Variants in CSMD2 observed in about 807,000 individuals in gnomAD.
CSMD2 encodes CUB and Sushi multiple domains 2, also known as CUB and sushi domain-containing protein 2.
A neutral mutation model predicts 398.5 loss-of-function variants in CSMD2; 130 were observed. That is an observed-to-expected ratio of 0.33 (90% CI 0.28 to 0.38). The LOEUF (loss-of-function observed/expected upper bound fraction) is 0.38. CSMD2 is among the 10% of genes least tolerant of loss of function. CSMD2 has a pLI of 1.00. For synonymous variants in CSMD2, 1,828 were observed against 1,908.5 expected (o/e 0.96, Z 1.10); for missense variants, 3,829 against 4,764.9 (o/e 0.80, Z 5.78).
At chr1:33,629,541 T>C (rs1642340438) in intron 32 of CSMD2, among the ~76,000 whole-genome samples, 1 of 152,194 alleles carries the variant, frequency 6.6e-6, no homozygotes, top group African/African-American at 2.4e-5. Flanking sequence ...AATACTTTCA[T>C]GCAACATTCA....
chr1:33,924,319 G>A (rs116761532), intron 4 of CSMD2, among the ~76,000 whole-genome samples: 2,478 of 152,150 alleles, frequency 0.016, 72 homozygotes, highest in African/African-American at 0.056. Context: ...GACTATGGGC[G>A]CATGCCACTG....
chr1:33,992,801 C>T (rs1052506559), intron 3 of CSMD2, among the ~76,000 whole-genome samples: 9 of 148,468 alleles, frequency 6.1e-5, no homozygotes, highest in African/African-American at 1.5e-4. Context: ...GGTGTGAACC[C>T]GGGAGGCAGA....
intron 22 of CSMD2, among the ~76,000 whole-genome samples, 200 bp from the exon 23 acceptor site, chr1:33,700,873 T>C (rs1645590077): frequency 6.6e-6 from 1 of 152,230 alleles, no homozygotes; most frequent in Non-Finnish European, 1.5e-5. Context: ...TTGATGTCAG[T>C]TCTATGCTCA....
Position 33,724,571 on chromosome 1 carries a change from C to T in CSMD2, c.2829G>A (p.Glu943=), listed in dbSNP as rs757478216. ...CDSGYTLSDG[E]PLECEPNFQW... ...GGAAGTTGGGCTCACACTCCAGAGG[C>T]TCCCCGTCACTTAATGTGTAGCCCG... Residue 943 remains glutamate (E), a synonymous_variant, in exon 18 of 71, where the codon GAG becomes GAA. Transcript: ENST00000373381. The T allele has an allele frequency of 1.2e-6, 2 of 1,614,228 alleles. No individual in the cohort carries two copies. Among genetic ancestry groups the T allele is most frequent in the Admixed American group, 1.7e-5 (1 of 60,030 alleles).
intron 11 of CSMD2, among the ~76,000 whole-genome samples, chr1:33,789,362 A>G (rs550786067): frequency 6.6e-6 from 1 of 152,336 alleles, no homozygotes; most frequent in East Asian, 1.9e-4. Context: ...TACTGCACTT[A>G]TCAATTTCCT....
intron 3 of CSMD2, among the ~76,000 whole-genome samples, chr1:34,002,130 G>C (rs1039706444): frequency 6.6e-6 from 1 of 152,082 alleles, no homozygotes; most frequent in African/African-American, 2.4e-5. Flanking sequence ...TGAAAAATCT[G>C]TCTTTCCAGC....
At chr1:34,069,273 G>A (rs192801115) in intron 2 of CSMD2, among the ~76,000 whole-genome samples, 1 of 152,282 alleles carries the variant, frequency 6.6e-6, no homozygotes, top group African/African-American at 2.4e-5. Context: ...CATGTACAAA[G>A]CAGTGTGCTG....
rs548496577 is a variant in CSMD2, at chr1:33,798,921, G to A, written c.1447-6395C>T. On this transcript the variant is annotated intron_variant, in intron 10 of 70. Coordinates refer to ENST00000373381, the MANE Select transcript of CSMD2 (RefSeq NM_001281956.2). The stretch of plus-strand genomic sequence containing the variant: ...CCAAAGCCTGCACAAGCCTGCAGAG[G>A]ATCTGCCAGCTCAGGGCAGTCTTGT... 5.9e-5 allele frequency among the ~76,000 whole-genome samples: 9 copies of A among 152,326 alleles called. No homozygotes were observed. In the South Asian group the frequency reaches 1.5e-3, roughly 25 times the overall value.
At position 33,519,608 on chromosome 1, in the gene CSMD2, C is replaced by A. The variant is rs1201692643; in HGVS notation, c.10806G>T (p.Glu3602Asp). 6.2e-7 allele frequency: 1 copy of A among 1,614,078 alleles called. No homozygotes were observed. The highest frequency in any genetic ancestry group is 8.5e-7 in the Non-Finnish European group (1 of 1,180,012). Reference protein sequence around the residue: ...HENTNVRATFENPMYDRNIQP... With the variant: ...HENTNVRATFDNPMYDRNIQP... ...GGATGTTGCGGTCGTACATTGGGTT[C>A]TCAAATGTGGCCCGAACATTGGTGT... is the stretch of plus-strand genomic sequence containing the variant. The change falls in exon 70 of 71, where the codon GAG (glutamate) becomes GAT (aspartate). Residue 3602 changes from glutamate to aspartate, a missense_variant. Around this residue, in one of 5 missense-constraint regions of CSMD2, gnomAD observed 917 missense variants for 1,199.5 expected, o/e 0.76. Coordinates refer to ENST00000373381, the MANE Select transcript of CSMD2 (RefSeq NM_001281956.2). The surrounding 1 kb of genome is among the most constrained non-coding windows in gnomAD (Gnocchi z 5.6).
chr1:34,012,292 C>G (rs10914839), intron 3 of CSMD2, among the ~76,000 whole-genome samples: 2 of 151,802 alleles, frequency 1.3e-5, no homozygotes, highest in Non-Finnish European at 2.9e-5. Context: ...TCTTTCACCT[C>G]TTCACACAAA....
chr1:33,515,369 CAG>C lies in CSMD2; in HGVS notation c.*1253_*1254del. 6.6e-6 allele frequency: 1 copy of C among 152,382 alleles called. No homozygotes were observed. The highest frequency in any genetic ancestry group is 2.4e-5 in the African/African-American group (1 of 41,572). The allele number at this position is 152,382 out of a possible 1,614,324, so 9.4% of individuals were successfully genotyped here. On this transcript the variant is annotated 3_prime_UTR_variant, in exon 71 of 71. Transcript: ENST00000373381. ...GACAGCAGAACCCAGATAGGACACA[CAG>C]GTGTCTTGCCTGGCTTTCCAGACCT... is the stretch of plus-strand genomic sequence containing the variant.
intron 2 of CSMD2, among the ~76,000 whole-genome samples, chr1:34,074,631 G>A (rs1656107931): frequency 6.6e-6 from 1 of 152,176 alleles, no homozygotes; most frequent in Non-Finnish European, 1.5e-5. Context: ...CTCTCTGTTA[G>A]GCCCTGGAGA....
At chr1:33,701,683 C>T (rs951450081) in intron 22 of CSMD2, among the ~76,000 whole-genome samples, 1 of 152,236 alleles carries the variant, frequency 6.6e-6, no homozygotes, top group Non-Finnish European at 1.5e-5. Context: ...TCCTGGGAGC[C>T]TGAAGTCTGT....
intron 22 of CSMD2, among the ~76,000 whole-genome samples, chr1:33,702,684 A>T (rs1040608990): frequency 6.6e-6 from 1 of 152,190 alleles, no homozygotes; most frequent in East Asian, 1.9e-4. Flanking sequence ...TTTTTTCCAT[A>T]ACAGCATTTA....
At chr1:34,104,498 C>G (rs1268108955) in intron 1 of CSMD2, among the ~76,000 whole-genome samples, 1 of 152,144 alleles carries the variant, frequency 6.6e-6, no homozygotes, top group Non-Finnish European at 1.5e-5. Context: ...ACGGAGATGG[C>G]CAGAAGGCAG....
chr1:33,774,148 T>A (rs1469796992), intron 12 of CSMD2, among the ~76,000 whole-genome samples: 1 of 143,272 alleles, frequency 7.0e-6, no homozygotes, highest in South Asian at 2.3e-4. Flanking sequence ...TGTGTGTGTG[T>A]GATCATCTAA....
At chr1:33,572,446 A>T in intron 50 of CSMD2, 60 bp downstream of exon 50, 1 of 1,411,720 alleles carries the variant, frequency 7.1e-7, no homozygotes, top group African/African-American at 1.4e-5. Flanking sequence ...CCTTGCAGGA[A>T]TCTTTCCAGC....
chr1:33,609,691 T>G (rs1640867902), intron 41 of CSMD2, among the ~76,000 whole-genome samples: 1 of 152,190 alleles, frequency 6.6e-6, no homozygotes, highest in Non-Finnish European at 1.5e-5. Flanking sequence ...AAAAACAAAA[T>G]TGGAAAACTA....
intron 2 of CSMD2, among the ~76,000 whole-genome samples, chr1:34,047,624 A>G (rs1243852638): frequency 6.6e-6 from 1 of 152,164 alleles, no homozygotes; most frequent in Admixed American, 6.5e-5. Context: ...AGCACCAGAT[A>G]CACCATAGGA....
Sources: gnomAD v4.1 joint callset for allele counts (sites outside exome capture counted in the v4.1 genomes callset) on GRCh38, gnomAD v4.1.1 for gene constraint, gnomAD v4.1.1 regional missense constraint, Gnocchi (gnomAD v3.1) non-coding constraint, MANE v1.5 for transcripts, NCBI Gene and HGNC (gene_info 2026-07-23, HGNC 2026-07-21) for gene names.